Variants in LPP observed in about 807,000 individuals in gnomAD.
LPP encodes the protein lipoma-preferred partner.
LPP carries 38 observed loss-of-function variants against 60.4 expected under a neutral mutation model. The observed-to-expected ratio is 0.63, with a 90% CI of 0.49 to 0.83. The LOEUF is 0.83. Among genes scored for constraint, LPP ranks in the 40% least tolerant of loss-of-function variants. The pLI is 0.00. For synonymous variants in LPP, 328 were observed against 290.8 expected, an observed-to-expected ratio of 1.13 and a Z score of -1.30; for missense variants, 902 against 783.6, an observed-to-expected ratio of 1.15 and a Z score of -1.80.
At chr3:188,692,767 T>A (rs922114644) in intron 7 of LPP, among the ~76,000 whole-genome samples, 2 of 152,240 alleles carry the variant, frequency 1.3e-5, no homozygotes, top group Non-Finnish European at 2.9e-5. Flanking sequence ...CAGGTATATG[T>A]AGTTTTTGTG....
intron 4 of LPP, among the ~76,000 whole-genome samples, chr3:188,465,675 A>C (rs1800200506): frequency 1.3e-5 from 2 of 152,210 alleles, no homozygotes; most frequent in Admixed American, 6.6e-5. Flanking sequence ...CTTTAGCTCT[A>C]TTCAGAAGGA....
chr3:188,256,621 A>G (rs1369266402), intron 2 of LPP, among the ~76,000 whole-genome samples: 2 of 152,176 alleles, frequency 1.3e-5, no homozygotes, highest in Non-Finnish European at 2.9e-5. Context: ...GTCTCTCAAC[A>G]TTTCCTGATC....
intron 8 of LPP, chr3:188,708,706 A>C (rs980268816): frequency 6.9e-6 from 3 of 437,162 alleles, no homozygotes; most frequent in African/African-American, 5.9e-5. Flanking sequence ...AAAAATACAA[A>C]AATTAGCTGA....
At chr3:188,769,852 T>C (rs536887646) in intron 9 of LPP, among the ~76,000 whole-genome samples, 63 of 152,306 alleles carry the variant, frequency 4.1e-4, no homozygotes, top group African/African-American at 1.4e-3. Flanking sequence ...GCGTTTGCTT[T>C]CACCCTAACC....
intron 3 of LPP, among the ~76,000 whole-genome samples, chr3:188,404,845 G>A (rs138763261): frequency 0.037 from 5,671 of 152,250 alleles, 151 homozygotes; most frequent in Non-Finnish European, 0.061. Context: ...CCTTCCGGGC[G>A]TCCCTGTGCT....
At chr3:188,828,540 G>A (rs953745991) in intron 9 of LPP, among the ~76,000 whole-genome samples, 17 of 148,820 alleles carry the variant, frequency 1.1e-4, no homozygotes, top group African/African-American at 3.5e-4. Context: ...GCTTGAACTC[G>A]GGAGGTGGAG....
chr3:188,487,421 C>T (rs1806880115), intron 5 of LPP, among the ~76,000 whole-genome samples: 1 of 152,088 alleles, frequency 6.6e-6, no homozygotes, highest in Non-Finnish European at 1.5e-5. Context: ...GTTAGATGTA[C>T]TCAAGCCGTG....
chr3:188,514,348 T>C (rs16863395), intron 5 of LPP, among the ~76,000 whole-genome samples: 6,562 of 152,262 alleles, frequency 0.043, 419 homozygotes, highest in African/African-American at 0.14. Context: ...TCCTGTTGTA[T>C]GTTTGGATTG....
intron 4 of LPP, among the ~76,000 whole-genome samples, chr3:188,431,055 C>T (rs1790766072): frequency 1.3e-5 from 2 of 151,990 alleles, no homozygotes; most frequent in African/African-American, 4.8e-5. Flanking sequence ...TCCTAAGCAG[C>T]TTATCTCATA....
chr3:188,858,268 T>G (rs750520006), intron 9 of LPP, among the ~76,000 whole-genome samples: 21 of 152,154 alleles, frequency 1.4e-4, no homozygotes, highest in Admixed American at 5.2e-4. Context: ...ATAGTCTTAG[T>G]CTTCTCTGAT....
At chr3:188,366,935 C>T (rs1289702393) in intron 3 of LPP, among the ~76,000 whole-genome samples, 1 of 150,960 alleles carries the variant, frequency 6.6e-6, no homozygotes, top group East Asian at 1.9e-4. Context: ...CTCGCTCTGT[C>T]GCCCAGGCTG....
intron 1 of LPP, among the ~76,000 whole-genome samples, chr3:188,164,368 C>T (rs1719302127): frequency 6.6e-6 from 1 of 152,200 alleles, no homozygotes; most frequent in East Asian, 1.9e-4. Context: ...AAGCCTAATG[C>T]TCTACTAAAC....
At chr3:188,205,438 C>A (rs533860072) in intron 1 of LPP, among the ~76,000 whole-genome samples, 2 of 151,928 alleles carry the variant, frequency 1.3e-5, no homozygotes, top group Non-Finnish European at 2.9e-5. Context: ...CACACCACCA[C>A]ACCCAGCTAA....
At chr3:188,547,921 G>A (rs9863597) in intron 6 of LPP, among the ~76,000 whole-genome samples, 2,445 of 152,230 alleles carry the variant, frequency 0.016, 29 homozygotes, top group Non-Finnish European at 0.023. Context: ...ACGGCCCTGA[G>A]GCTTCTTCAT....
At chr3:188,216,602 G>A (rs555504402) in intron 1 of LPP, among the ~76,000 whole-genome samples, 8 of 152,156 alleles carry the variant, frequency 5.3e-5, no homozygotes, top group Admixed American at 5.2e-4. Context: ...GTTTCATCTG[G>A]GCAATGCCCT....
intron 9 of LPP, among the ~76,000 whole-genome samples, chr3:188,802,789 G>GAA (rs965892061): frequency 7.0e-6 from 1 of 143,032 alleles, no homozygotes. Context: ...TGTCTCAAAA[G>GAA]AAAAAAAAAA....
chr3:188,679,395 T>C (rs1320766679), intron 7 of LPP, among the ~76,000 whole-genome samples: 1 of 152,184 alleles, frequency 6.6e-6, no homozygotes, highest in East Asian at 1.9e-4. Context: ...TATGACTCTG[T>C]CCTTTCACTT....
At chr3:188,345,605 G>A (rs1033209407) in intron 3 of LPP, among the ~76,000 whole-genome samples, 1 of 152,136 alleles carries the variant, frequency 6.6e-6, no homozygotes, top group African/African-American at 2.4e-5. Context: ...CAATTGCTGG[G>A]CTACACAGCA....
At chr3:188,603,621 T>G (rs1342645641) in intron 6 of LPP, among the ~76,000 whole-genome samples, 1 of 152,176 alleles carries the variant, frequency 6.6e-6, no homozygotes, top group African/African-American at 2.4e-5. Context: ...AGGTAATTTC[T>G]ATATAAATGT....
Sources: gnomAD v4.1 joint callset for allele counts (sites outside exome capture counted in the v4.1 genomes callset) on GRCh38, gnomAD v4.1.1 for gene constraint, MANE v1.5 for transcripts, NCBI Gene and HGNC (gene_info 2026-07-23, HGNC 2026-07-21) for gene names.